The following SPSB1 variants were observed in gnomAD, a reference collection of about 807,000 sequenced individuals.
SPSB1 encodes the protein SPRY domain-containing SOCS box protein 1.
A neutral mutation model predicts 21.2 loss-of-function variants in SPSB1; 8 were observed. That is an observed-to-expected ratio of 0.38 (90% CI 0.22 to 0.68). SPSB1 has a LOEUF of 0.68. SPSB1 is among the 30% of genes least tolerant of loss of function. SPSB1 has a pLI of 0.53. For synonymous variants in SPSB1, 169 were observed against 161.7 expected, an observed-to-expected ratio of 1.05 and a Z score of -0.34; for missense variants, 242 against 377.8, an observed-to-expected ratio of 0.64 and a Z score of 2.98.
intron 1 of SPSB1, among the ~76,000 whole-genome samples, chr1:9,297,481 T>C (rs1166590916): frequency 1.3e-5 from 2 of 152,002 alleles, no homozygotes; most frequent in African/African-American, 4.8e-5. Flanking sequence ...GGAGCTGCAC[T>C]CCACACCAAG....
At chr1:9,362,479 A>G (rs150294962) in intron 2 of SPSB1, among the ~76,000 whole-genome samples, 249 of 152,330 alleles carry the variant, frequency 1.6e-3, no homozygotes, top group Admixed American at 4.2e-3. Flanking sequence ...TCTAGAATCC[A>G]TGTCCTGGAG....
At position 9,367,012 on chromosome 1, in the gene SPSB1, A is replaced by G. The variant is rs559386476; in HGVS notation, c.695-436A>G. ...CATGTGTTCCGACCGACAGGCCCCA[A>G]TGGCAGCTGCTTGCCTGGACAGGCA... On this transcript the variant is annotated intron_variant, in intron 2 of 2. Transcript: ENST00000328089. This position sits in a 1 kb window ranked among gnomAD's most constrained non-coding sequence, Gnocchi z 5.9. Among the ~76,000 whole-genome samples, 21 of 152,314 alleles carry G rather than the reference A, an allele frequency of 1.4e-4. No individual in the cohort carries two copies. The South Asian group carries it at 2.9e-3, about 21-fold the overall frequency.
At chr1:9,320,970 T>A (rs1052655106) in intron 1 of SPSB1, among the ~76,000 whole-genome samples, 12 of 148,766 alleles carry the variant, frequency 8.1e-5, no homozygotes, top group African/African-American at 3.0e-4. Context: ...GCTTAAAATC[T>A]CCTTCCCGAG....
rs534011464 is a variant in SPSB1 at position 9,340,160 on chromosome 1, G to A, written c.-149-15583G>A. Among the ~76,000 whole-genome samples the A allele has an allele frequency of 1.3e-4, 20 of 152,270 alleles. No homozygotes were observed. In the South Asian group the frequency reaches 2.5e-3, roughly 19 times the overall value. ...GGCACGCAGGGTGACCAGTTCCCTC[G>A]CCCCTGTAGGAACTGTTCTCAAGAG... On this transcript the variant is annotated intron_variant, in intron 1 of 2. Coordinates refer to ENST00000328089, the MANE Select transcript of SPSB1 (RefSeq NM_025106.4).
In SPSB1 at chr1:9,346,746, C is replaced by A. The variant is rs1640171649; in HGVS notation, c.-149-8997C>A. 6.6e-6 allele frequency among the ~76,000 whole-genome samples: 1 copy of A among 152,146 alleles called. No individual in the cohort carries two copies. The highest frequency in any genetic ancestry group is 2.1e-4 in the South Asian group (1 of 4,830). On this transcript the variant is annotated intron_variant, in intron 1 of 2. Coordinates refer to ENST00000328089, the MANE Select transcript of SPSB1 (RefSeq NM_025106.4). This position sits in a 1 kb window ranked among gnomAD's most constrained non-coding sequence, Gnocchi z 4.4. ...CGTTGGTCTATCAGGGGTGGAACAG[C>A]CACCGGTGTTTCTGATGGGGCCACC...
intron 1 of SPSB1, among the ~76,000 whole-genome samples, chr1:9,313,358 C>A (rs1569579888): frequency 6.6e-6 from 1 of 152,164 alleles, no homozygotes; most frequent in African/African-American, 2.4e-5. Flanking sequence ...CAAGATTGCA[C>A]CACTGCACTC....
At chr1:9,360,523 G>C (rs1487315921) in intron 2 of SPSB1, among the ~76,000 whole-genome samples, 3 of 152,168 alleles carry the variant, frequency 2.0e-5, no homozygotes, top group African/African-American at 7.2e-5. Flanking sequence ...CGATCAGGAT[G>C]GTAGCGGGCT....
chr1:9,311,437 C>T (rs1639518039), intron 1 of SPSB1, among the ~76,000 whole-genome samples: 1 of 152,096 alleles, frequency 6.6e-6, no homozygotes, highest in African/African-American at 2.4e-5. Context: ...AGACTGGTGT[C>T]CTGAACCCCA....
At chr1:9,319,331 T>A (rs1037460949) in intron 1 of SPSB1, among the ~76,000 whole-genome samples, 1 of 152,202 alleles carries the variant, frequency 6.6e-6, no homozygotes, top group Non-Finnish European at 1.5e-5. Context: ...GCCCTGGCCG[T>A]GGCATGTTGC....
At chr1:9,340,589 C>T (rs776568463) in intron 1 of SPSB1, among the ~76,000 whole-genome samples, 14 of 152,364 alleles carry the variant, frequency 9.2e-5, no homozygotes, top group South Asian at 6.2e-4. Context: ...GGAAACTCCA[C>T]GCCTGGCGGG....
Position 9,348,514 on chromosome 1 carries a change from T to G in SPSB1, c.-149-7229T>G, listed in dbSNP as rs562963704. 1.3e-5 allele frequency among the ~76,000 whole-genome samples: 2 copies of G among 152,098 alleles called. No individual in the cohort carries two copies. The highest frequency in any genetic ancestry group is 4.2e-4 in the South Asian group (2 of 4,808). Reference sequence around the variant, plus strand: ...TCTAGGACTCCCAAACAGTGCACTTTGGGGATGCTTTTGACTCCTCCCCAT... The same window carrying G: ...TCTAGGACTCCCAAACAGTGCACTTGGGGGATGCTTTTGACTCCTCCCCAT... On this transcript the variant is annotated intron_variant, in intron 1 of 2. Coordinates refer to ENST00000328089, the MANE Select transcript of SPSB1 (RefSeq NM_025106.4). The surrounding 1 kb of genome is among the most constrained non-coding windows in gnomAD (Gnocchi z 4.8).
chr1:9,354,025 G>A (rs1416967232), intron 1 of SPSB1, among the ~76,000 whole-genome samples: 1 of 152,172 alleles, frequency 6.6e-6, no homozygotes, highest in Non-Finnish European at 1.5e-5. Flanking sequence ...TCCCGCATGG[G>A]AAGGTTCTGC....
chr1:9,350,993 AT>A (rs950522652), intron 1 of SPSB1, among the ~76,000 whole-genome samples: 1 of 152,120 alleles, frequency 6.6e-6, no homozygotes, highest in African/African-American at 2.4e-5. Context: ...GCACCTGTGA[AT>A]GTTACTTGGT....
chr1:9,310,720 G>A (rs779418219), intron 1 of SPSB1, among the ~76,000 whole-genome samples: 1 of 152,058 alleles, frequency 6.6e-6, no homozygotes, highest in African/African-American at 2.4e-5. Flanking sequence ...AGAGACCTGG[G>A]CAGCAGGACC....
intron 1 of SPSB1, among the ~76,000 whole-genome samples, chr1:9,316,845 G>C (rs1050566248): frequency 1.3e-5 from 2 of 152,186 alleles, no homozygotes; most frequent in African/African-American, 4.8e-5. Context: ...CTGCTCCTAT[G>C]ACCTGGCCGG....
rs1446110367 is a variant in SPSB1, at chr1:9,324,047, T to C, written c.-150+30976T>C. ...CAAACTCGGGCCGCAGAACCCCTCC[T>C]CAGGCCAGCCTGGTTGCTCTGAGCC... is the stretch of plus-strand genomic sequence containing the variant. On this transcript the variant is annotated intron_variant, in intron 1 of 2. Coordinates refer to ENST00000328089, the MANE Select transcript of SPSB1 (RefSeq NM_025106.4). This position sits in a 1 kb window ranked among gnomAD's most constrained non-coding sequence, Gnocchi z 4.3. 6.6e-6 allele frequency among the ~76,000 whole-genome samples: 1 copy of C among 152,212 alleles called. No individual in the cohort carries two copies. The highest frequency in any genetic ancestry group is 1.5e-5 in the Non-Finnish European group (1 of 68,040).
chr1:9,331,289 G>T (rs200478229), intron 1 of SPSB1, among the ~76,000 whole-genome samples: 1 of 145,522 alleles, frequency 6.9e-6, no homozygotes, highest in African/African-American at 2.6e-5. Flanking sequence ...ATAAATACCC[G>T]TTATGGATCT....
At chr1:9,309,997 C>T (rs974711916) in intron 1 of SPSB1, among the ~76,000 whole-genome samples, 6 of 152,084 alleles carry the variant, frequency 3.9e-5, no homozygotes, top group African/African-American at 7.2e-5. Context: ...TGGGTCTGCC[C>T]GAGGTCCTGG....
chr1:9,316,929 C>A (rs1639626463), intron 1 of SPSB1, among the ~76,000 whole-genome samples: 1 of 152,168 alleles, frequency 6.6e-6, no homozygotes, highest in Non-Finnish European at 1.5e-5. Context: ...GTAGAGGGAG[C>A]TGCCTGGTGC....
Sources: allele counts gnomAD v4.1 joint callset (sites outside exome capture counted in the v4.1 genomes callset), GRCh38; gene constraint gnomAD v4.1.1; non-coding constraint Gnocchi (gnomAD v3.1); transcripts MANE v1.5; gene names NCBI Gene and HGNC (gene_info 2026-07-23, HGNC 2026-07-21).